SAMMSON: variants seen among roughly 807,000 people sequenced by gnomAD.
SAMMSON encodes long intergenic non-protein coding RNA 1212.
intron 3 of SAMMSON, chr3:70,065,143 G>A (rs1284813060): frequency 6.6e-6 from 1 of 150,470 alleles, no homozygotes; most frequent in Non-Finnish European, 1.5e-5. Context: ...TATTTTTTTT[G>A]CTATGTAAAG....
chr3:70,143,543 G>A (rs1202432445), intron 4 of SAMMSON, among the ~76,000 whole-genome samples: 4 of 152,112 alleles, frequency 2.6e-5, no homozygotes, highest in Admixed American at 2.6e-4. Flanking sequence ...GCTCCAGGAG[G>A]TTCACCTTTG....
chr3:70,125,488 A>C (rs934072304), intron 4 of SAMMSON: 2 of 747,506 alleles, frequency 2.7e-6, no homozygotes. Context: ...AGTCTTTTTT[A>C]ATCTCTTCTG....
chr3:70,234,761 T>C (rs1701591882), intron 4 of SAMMSON, among the ~76,000 whole-genome samples: 1 of 152,216 alleles, frequency 6.6e-6, no homozygotes, highest in Non-Finnish European at 1.5e-5. Context: ...AACTTTTCTA[T>C]TTCGTCCCTC....
At chr3:70,391,788 C>G (rs1411946415), downstream of SAMMSON, among the ~76,000 whole-genome samples, 1 of 152,076 alleles carries the variant, frequency 6.6e-6, no homozygotes, top group Non-Finnish European at 1.5e-5. Flanking sequence ...TAAACTTGCT[C>G]TTTATTTTCA....
intron 4 of SAMMSON, among the ~76,000 whole-genome samples, chr3:70,115,476 T>C (rs191052433): frequency 6.6e-6 from 1 of 152,170 alleles, no homozygotes; most frequent in Non-Finnish European, 1.5e-5. Flanking sequence ...GTCTTAGACA[T>C]ACTTACGTAT....
At chr3:70,198,663 G>A (rs1391853825) in intron 4 of SAMMSON, among the ~76,000 whole-genome samples, 1 of 152,060 alleles carries the variant, frequency 6.6e-6, no homozygotes, top group Non-Finnish European at 1.5e-5. Flanking sequence ...ACCACACCAT[G>A]ACTGTTATGA....
chr3:70,388,190 C>T (rs1453229389), intron 9 of SAMMSON, among the ~76,000 whole-genome samples: 1 of 152,108 alleles, frequency 6.6e-6, no homozygotes, highest in Non-Finnish European at 1.5e-5. Context: ...CAGGATTGAG[C>T]AAACTGTAAC....
At chr3:70,274,859 A>G (rs147576836) in intron 6 of SAMMSON, among the ~76,000 whole-genome samples, 1 of 152,354 alleles carries the variant, frequency 6.6e-6, no homozygotes, top group East Asian at 1.9e-4. Flanking sequence ...ACTAAAACCC[A>G]AATGTCCTAC....
At chr3:70,309,399 A>T (rs549318014) in intron 7 of SAMMSON, among the ~76,000 whole-genome samples, 1 of 152,348 alleles carries the variant, frequency 6.6e-6, no homozygotes, top group East Asian at 1.9e-4. Flanking sequence ...TAAGCTCTCA[A>T]AAAACATAAC....
chr3:70,326,758 G>C (rs537126230), intron 7 of SAMMSON, among the ~76,000 whole-genome samples: 44 of 152,070 alleles, frequency 2.9e-4, no homozygotes, highest in Admixed American at 7.2e-4. Context: ...ATATTCTATG[G>C]ACATGAGAAT....
At chr3:70,036,177 C>T (rs2067084461) in intron 3 of SAMMSON, among the ~76,000 whole-genome samples, 1 of 152,012 alleles carries the variant, frequency 6.6e-6, no homozygotes, top group South Asian at 2.1e-4. Flanking sequence ...GGAGAGAGGC[C>T]AATAGTCCCA....
At chr3:70,257,771 A>C (rs1190429206) in intron 6 of SAMMSON, among the ~76,000 whole-genome samples, 1 of 152,208 alleles carries the variant, frequency 6.6e-6, no homozygotes, top group Non-Finnish European at 1.5e-5. Flanking sequence ...AATCCCAATA[A>C]AAATCCCAGC....
chr3:70,091,086 G>T lies in SAMMSON; in HGVS notation n.507+19521G>T, dbSNP rs555636847. Among the ~76,000 whole-genome samples, 7 of 152,220 alleles carry T rather than the reference G, an allele frequency of 4.6e-5. No homozygotes were observed. In the South Asian group the frequency reaches 1.5e-3, roughly 32 times the overall value. ...CATCCATCATAGACCACATACAAAT[G>T]GGGTGAATCGACACTTTGGATGGCT... On this transcript the variant is annotated intron_variant and non_coding_transcript_variant, in intron 4 of 9. Coordinates refer to ENST00000642114, the Ensembl canonical transcript of SAMMSON.
intron 1 of SAMMSON, among the ~76,000 whole-genome samples, chr3:70,004,058 A>T (rs2066916444): frequency 6.6e-6 from 1 of 151,452 alleles, no homozygotes; most frequent in Non-Finnish European, 1.5e-5. Context: ...AGAGGAGGAG[A>T]GGCTGAATTT....
At chr3:70,169,544 G>C (rs2067653064) in intron 4 of SAMMSON, among the ~76,000 whole-genome samples, 1 of 151,884 alleles carries the variant, frequency 6.6e-6, no homozygotes, top group African/African-American at 2.4e-5. Context: ...GTAGCTGGTT[G>C]CTGCATGAAA....
chr3:70,344,658 C>G (rs1702737286), intron 7 of SAMMSON, among the ~76,000 whole-genome samples: 1 of 152,208 alleles, frequency 6.6e-6, no homozygotes, highest in African/African-American at 2.4e-5. Context: ...AGACACCCAC[C>G]TCTGGATGCT....
intron 3 of SAMMSON, among the ~76,000 whole-genome samples, chr3:70,061,424 G>A (rs2067190011): frequency 6.6e-6 from 1 of 152,216 alleles, no homozygotes; most frequent in South Asian, 2.1e-4. Flanking sequence ...AAATCTTTAA[G>A]ATTTGTAACA....
In SAMMSON at chr3:70,425,661, C is replaced by T. The variant is rs1265594364; in HGVS notation, n.234-36899C>T. 2.0e-5 allele frequency among the ~76,000 whole-genome samples: 3 copies of T among 151,982 alleles called. No individual in the cohort carries two copies. The East Asian group carries it at 5.8e-4, about 29-fold the overall frequency. ...ATCTACTGACCTCATGATCCGCCCG[C>T]CTCCCAAAGTGCTGGGATTACAGGC... On this transcript the variant is annotated intron_variant and non_coding_transcript_variant, in intron 2 of 3. Transcript: ENST00000641053.
intron 3 of SAMMSON, among the ~76,000 whole-genome samples, chr3:70,049,685 T>C (rs2067139327): frequency 6.6e-6 from 1 of 152,158 alleles, no homozygotes. Context: ...ATTATCATTA[T>C]AATTCTTTTA....
Sources: gnomAD v4.1 joint callset for allele counts (sites outside exome capture counted in the v4.1 genomes callset) on GRCh38, gnomAD v4.1.1 for gene constraint, MANE v1.5 for transcripts, NCBI Gene and HGNC (gene_info 2026-07-23, HGNC 2026-07-21) for gene names.